DNM2: variants seen among roughly 807,000 people sequenced by gnomAD.
DNM2 encodes the protein dynamin 2.
In DNM2, 15 loss-of-function variants were observed where a neutral mutation model predicts 99.0. The ratio of observed to expected loss-of-function variants is 0.15; its 90% CI spans 0.10 to 0.23. The LOEUF (loss-of-function observed/expected upper bound fraction) is 0.23. Ranked by LOEUF, DNM2 falls within the 10% of genes least tolerant of loss-of-function variation. The probability of loss-of-function intolerance (pLI) is 1.00; values close to 1 mark genes in which losing one functional copy is unlikely to be tolerated. For synonymous variants in DNM2, 525 were observed against 481.2 expected, an observed-to-expected ratio of 1.09 and a Z score of -1.19; for missense variants, 742 against 1,189.4, an observed-to-expected ratio of 0.62 and a Z score of 5.53.
At chr19:10,780,232 C>CGT in intron 5 of DNM2, 1 of 153,444 alleles carries the variant, frequency 6.5e-6, no homozygotes, top group East Asian at 1.9e-4. Flanking sequence ...CTGTGAAGAT[C>CGT]CGGGGCTGAG....
chr19:10,766,021 T>C (rs2070784884), intron 2 of DNM2, among the ~76,000 whole-genome samples: 1 of 152,190 alleles, frequency 6.6e-6, no homozygotes, highest in African/African-American at 2.4e-5. Flanking sequence ...GCCCCGGCAC[T>C]GGGTTCTGTG....
chr19:10,829,983 C>T (rs560894459), intron 19 of DNM2, 144 bp from the exon 20 acceptor site: 53 of 1,243,004 alleles, frequency 4.3e-5, no homozygotes, highest in Admixed American at 4.1e-4. Context: ...GTGGGACTGG[C>T]GCTCAGGTTG....
chr19:10,718,908 C>T (rs1029981465), intron 1 of DNM2, among the ~76,000 whole-genome samples: 12 of 152,208 alleles, frequency 7.9e-5, no homozygotes, highest in Non-Finnish European at 1.5e-4. Context: ...GGTTGTCCAT[C>T]TGTCCAGTCC....
Position 10,732,314 on chromosome 19 carries a change from A to C in DNM2, c.161+13911A>C, listed in dbSNP as rs1475651413. 1.4e-4 allele frequency among the ~76,000 whole-genome samples: 21 copies of C among 149,860 alleles called. No individual in the cohort carries two copies. In the East Asian group the frequency reaches 2.4e-3, roughly 17 times the overall value. On this transcript the variant is annotated intron_variant, in intron 1 of 20. Transcript: ENST00000389253. ...TCGTTGTGGAGAAAAAAAAAAAAAA[A>C]AAAACAGGCCGGGCGGTGGCTCATG... is the stretch of plus-strand genomic sequence containing the variant.
At chr19:10,728,937 C>G (rs2069198743) in intron 1 of DNM2, among the ~76,000 whole-genome samples, 1 of 146,618 alleles carries the variant, frequency 6.8e-6, no homozygotes, top group East Asian at 2.0e-4. Context: ...ACAGCAAGAC[C>G]CGGTCTCAAA....
At chr19:10,767,249 G>A (rs2070828883) in intron 2 of DNM2, among the ~76,000 whole-genome samples, 1 of 151,576 alleles carries the variant, frequency 6.6e-6, no homozygotes, top group Admixed American at 6.6e-5. Flanking sequence ...CTCATCTCCA[G>A]CACTTGAGCG....
In DNM2 at chr19:10,802,303, G is replaced by A. The variant is rs764027808; in HGVS notation, c.1438G>A (p.Asp480Asn). 3.1e-6 allele frequency: 5 copies of A among 1,613,952 alleles called. No homozygotes were observed. Among genetic ancestry groups the A allele is most frequent in the Middle Eastern group, 1.6e-4 (1 of 6,084 alleles). Reference protein sequence around the residue: ...RTKDQILLLIDIEQSYINTNH... With the variant: ...RTKDQILLLINIEQSYINTNH... ...TCTCCCCCAGATTCTTCTGCTGATC[G>A]ACATTGAGCAGTCCTACATCAACAC... Residue 480 changes from aspartate (D) to asparagine (N), a missense_variant, in exon 12 of 21, where the codon GAC (aspartate) becomes AAC (asparagine). Physicochemically the swap from Asp to Asn is conservative, Grantham distance 23. Coordinates refer to ENST00000389253, the MANE Select transcript of DNM2 (RefSeq NM_001005361.3).
chr19:10,777,193 A>G lies in DNM2; in HGVS notation c.665A>G (p.Asn222Ser). 6.2e-7 allele frequency: 1 copy of G among 1,614,158 alleles called. No individual in the cohort carries two copies. The highest frequency in any genetic ancestry group is 8.5e-7 in the Non-Finnish European group (1 of 1,180,014). Residue 222 changes from asparagine to serine, a missense_variant, in exon 5 of 21, where the codon AAC (asparagine) becomes AGC (serine). This residue lies in a region of DNM2 where 192 missense variants were observed against 358.9 expected (regional missense o/e 0.54). Coordinates refer to ENST00000389253, the MANE Select transcript of DNM2 (RefSeq NM_001005361.3). Reference sequence around the variant, plus strand: ...ACCGACGCCAGGGACGTCTTGGAGAACAAGTTGCTCCCGTTGAGAAGAGGT... The same window carrying G: ...ACCGACGCCAGGGACGTCTTGGAGAGCAAGTTGCTCCCGTTGAGAAGAGGT... Reference protein sequence around the residue: ...EGTDARDVLENKLLPLRRGYI... With the variant: ...EGTDARDVLESKLLPLRRGYI...
intron 13 of DNM2, among the ~76,000 whole-genome samples, chr19:10,807,800 C>T (rs1335195584): frequency 4.6e-5 from 7 of 151,238 alleles, no homozygotes; most frequent in African/African-American, 7.3e-5. Flanking sequence ...CCACCCGCCT[C>T]GCCCGGACAA....
intron 2 of DNM2, among the ~76,000 whole-genome samples, chr19:10,767,807 G>A (rs960165187): frequency 1.3e-5 from 2 of 152,144 alleles, no homozygotes; most frequent in Non-Finnish European, 2.9e-5. Flanking sequence ...TTGGGAGGCC[G>A]AAGTATGAGA....
intron 1 of DNM2, among the ~76,000 whole-genome samples, chr19:10,740,066 T>C (rs2069687185): frequency 6.6e-6 from 1 of 152,052 alleles, no homozygotes; most frequent in South Asian, 2.1e-4. Context: ...TTTGTTAGAA[T>C]AGTATTCCCT....
chr19:10,796,078 C>T lies in DNM2; in HGVS notation c.1196+639C>T, dbSNP rs2071921942. On this transcript the variant is annotated intron_variant, in intron 9 of 20. Coordinates refer to ENST00000389253, the MANE Select transcript of DNM2 (RefSeq NM_001005361.3). This position sits in a 1 kb window ranked among gnomAD's most constrained non-coding sequence, Gnocchi z 5.6. ...GGTTTCAGGACCGGGCTTTTCACCC[C>T]GGACTTGGCATTCGAGGCCATTGTG... 6.2e-7 allele frequency: 1 copy of T among 1,613,666 alleles called. No homozygotes were observed. Among genetic ancestry groups the T allele is most frequent in the Non-Finnish European group, 8.5e-7 (1 of 1,180,028 alleles).
chr19:10,789,890 TA>T (rs1403394753), intron 7 of DNM2, among the ~76,000 whole-genome samples: 1 of 152,208 alleles, frequency 6.6e-6, no homozygotes, highest in African/African-American at 2.4e-5. Flanking sequence ...TTGTTAAGCC[TA>T]TGGCAGGACT....
At chr19:10,751,755 CCT>C (rs1476953663) in intron 1 of DNM2, among the ~76,000 whole-genome samples, 2 of 152,278 alleles carry the variant, frequency 1.3e-5, no homozygotes, top group Non-Finnish European at 2.9e-5. Context: ...CAAACTCTCC[CCT>C]GAGAGCTGCG....
Position 10,831,009 on chromosome 19 carries a change from A to T in DNM2, c.2575A>T (p.Thr859Ser). 1 of 1,609,990 alleles carries T rather than the reference A, an allele frequency of 6.2e-7. No homozygotes were observed. The highest frequency in any genetic ancestry group is 8.5e-7 in the Non-Finnish European group (1 of 1,178,764). ...ACCCCCTGCTGCGCCCAGCCGGCCC[A>T]CCATTATCCGCCCAGCCGAGCCATC... ...RRPPAAPSRP[T>S]IIRPAEPSLL... Residue 859 changes from threonine (T) to serine (S), a missense_variant, in exon 21 of 21, where the codon ACC (threonine) becomes TCC (serine). By Grantham distance (58) the Thr-to-Ser change is moderately conservative. Transcript: ENST00000389253. The surrounding 1 kb of genome is among the most constrained non-coding windows in gnomAD (Gnocchi z 4.3).
rs757494612 is a variant in DNM2 at position 10,746,727 on chromosome 19, G to GTTTTTTTTTTTTTTTTTTTTT, written c.162-13005_162-13004insTTTTTTTTTTTTTTTTTTTTT. ...GAGCAACCGTGCCGGCTTTTTTTTTGTTTTTTGTTTTTTTTTTTTTTGAGA... is the reference window on the plus strand; with the variant it reads ...GAGCAACCGTGCCGGCTTTTTTTTTGTTTTTTTTTTTTTTTTTTTTTTTTTTTGTTTTTTTTTTTTTTGAGA... On this transcript the variant is annotated intron_variant, in intron 1 of 20. Transcript: ENST00000389253. Among the ~76,000 whole-genome samples the GTTTTTTTTTTTTTTTTTTTTT allele has an allele frequency of 2.6e-5, 3 of 116,210 alleles. 1 individual carries two copies. Among genetic ancestry groups the GTTTTTTTTTTTTTTTTTTTTT allele is most frequent in the Non-Finnish European group, 5.0e-5 (3 of 60,032 alleles). The allele number at this position is 116,210 out of a possible 152,430, so 76.2% of individuals were successfully genotyped here.
At chr19:10,732,084 A>G (rs2069343182) in intron 1 of DNM2, among the ~76,000 whole-genome samples, 1 of 150,730 alleles carries the variant, frequency 6.6e-6, no homozygotes, top group African/African-American at 2.4e-5. Context: ...CCTCCCGAGT[A>G]GCTGTGATTA....
chr19:10,828,930 AG>A (rs1215340810), intron 18 of DNM2, 105 bp from the exon 19 acceptor site: 2 of 1,205,884 alleles, frequency 1.7e-6, no homozygotes, highest in Non-Finnish European at 1.2e-6. Context: ...TTTTCAAAAA[AG>A]TCTGGGGGTG....
Position 10,830,655 on chromosome 19 carries a change from C to A in DNM2, c.2543+277C>A. ...GCAGCTGGGGAACCCTCACACTGGG[C>A]ACCTCCTCCCACTGTTTACCTTCTT... On this transcript the variant is annotated intron_variant, in intron 20 of 20. Coordinates refer to ENST00000389253, the MANE Select transcript of DNM2 (RefSeq NM_001005361.3). The surrounding 1 kb of genome is among the most constrained non-coding windows in gnomAD (Gnocchi z 4.8). 1 of 585,066 alleles carries A rather than the reference C, an allele frequency of 1.7e-6. No individual in the cohort carries two copies. Among genetic ancestry groups the A allele is most frequent in the African/African-American group, 1.9e-5 (1 of 53,712 alleles). The allele number at this position is 585,066 out of a possible 1,614,324, so 36.2% of individuals were successfully genotyped here. A position where few individuals can be genotyped will look rare whatever the true frequency, so the allele number is the denominator to read the frequency against.
Sources: allele counts gnomAD v4.1 joint callset (sites outside exome capture counted in the v4.1 genomes callset), GRCh38; gene constraint gnomAD v4.1.1; regional missense constraint gnomAD v4.1.1; non-coding constraint Gnocchi (gnomAD v3.1); transcripts MANE v1.5; gene names NCBI Gene and HGNC (gene_info 2026-07-23, HGNC 2026-07-21).